Variants in DYNC2H1 observed in about 807,000 individuals in gnomAD.
DYNC2H1 encodes dynein cytoplasmic 2 heavy chain 1, also known as cytoplasmic dynein 2 heavy chain 1.
A neutral mutation model predicts 570.0 loss-of-function variants in DYNC2H1; 410 were observed. The ratio of observed to expected loss-of-function variants is 0.72; its 90% CI spans 0.66 to 0.78. The LOEUF (loss-of-function observed/expected upper bound fraction) is 0.78, where lower values mean the gene tolerates loss of function less well. DYNC2H1 is among the 30% of genes least tolerant of loss of function. DYNC2H1 has a pLI of 0.00. For synonymous variants in DYNC2H1, 1,688 were observed against 1,677.6 expected, an observed-to-expected ratio of 1.01 and a Z score of -0.15; for missense variants, 4,865 against 5,046.4, an observed-to-expected ratio of 0.96 and a Z score of 1.09.
chr11:103,138,204 T>C (rs1010642572), intron 17 of DYNC2H1, among the ~76,000 whole-genome samples: 26 of 152,186 alleles, frequency 1.7e-4, no homozygotes, highest in Non-Finnish European at 2.9e-5. Flanking sequence ...CTTTCCCTAA[T>C]TGAATACCCT....
intron 85 of DYNC2H1, among the ~76,000 whole-genome samples, chr11:103,452,717 A>T (rs572897177): frequency 6.6e-6 from 1 of 152,076 alleles, no homozygotes; most frequent in Non-Finnish European, 1.5e-5. Flanking sequence ...TGGAACTCTT[A>T]TGACATACTA....
intron 84 of DYNC2H1, among the ~76,000 whole-genome samples, chr11:103,424,655 A>G (rs964296525): frequency 1.0e-4 from 15 of 149,926 alleles, no homozygotes; most frequent in African/African-American, 3.2e-4. Flanking sequence ...TTATGCAACT[A>G]CATGGATACA....
rs888767252 is a variant in DYNC2H1 at position 103,363,360 on chromosome 11, T to C, written c.12156+5001T>C. Among the ~76,000 whole-genome samples the C allele has an allele frequency of 6.6e-6, 1 of 152,170 alleles. No homozygotes were observed. The highest frequency in any genetic ancestry group is 1.5e-5 in the Non-Finnish European group (1 of 68,020). On this transcript the variant is annotated intron_variant, in intron 83 of 88. Transcript: ENST00000375735. The surrounding 1 kb of genome is among the most constrained non-coding windows in gnomAD (Gnocchi z 5.6). ...GTTTATAAGTGAGCTGGAGAGGAGA[T>C]CTACTAGTGTGTTATTTCAACTGAG...
chr11:103,158,091 T>C (rs1012542592), intron 26 of DYNC2H1, among the ~76,000 whole-genome samples: 1 of 152,258 alleles, frequency 6.6e-6, no homozygotes, highest in African/African-American at 2.4e-5. Flanking sequence ...TAAATATTTC[T>C]AGAAATTATT....
At chr11:103,136,226 T>C (rs1174586471) in intron 17 of DYNC2H1, among the ~76,000 whole-genome samples, 1 of 151,046 alleles carries the variant, frequency 6.6e-6, no homozygotes, top group Non-Finnish European at 1.5e-5. Flanking sequence ...TTTTTTATTT[T>C]ATTTATTTTA....
rs201586818 is a variant in DYNC2H1 at position 103,185,001 on chromosome 11, G to A, written c.6583G>A (p.Gly2195Arg). Reference protein sequence around the residue: ...HDEFIINLIRGLGGNLNMKSR... With the variant: ...HDEFIINLIRRLGGNLNMKSR... Reference sequence around the variant, plus strand: ...CGAATTCATTATTAATCTCATAAGGGGACTTGGTGGAAATCTGAATATGAA... The same window carrying A: ...CGAATTCATTATTAATCTCATAAGGAGACTTGGTGGAAATCTGAATATGAA... The change falls in exon 41 of 89, where the codon GGA (glycine) becomes AGA (arginine). Residue 2195 changes from glycine to arginine, a missense_variant. By Grantham distance (125) the Gly-to-Arg change is moderately radical. Coordinates refer to ENST00000375735, the MANE Select transcript of DYNC2H1 (RefSeq NM_001377.3). This position sits in a 1 kb window ranked among gnomAD's most constrained non-coding sequence, Gnocchi z 4.5. The A allele has an allele frequency of 2.5e-5, 41 of 1,610,016 alleles. No individual in the cohort carries two copies. Among genetic ancestry groups the A allele is most frequent in the Non-Finnish European group, 8.5e-7 (1 of 1,177,382 alleles).
chr11:103,434,620 C>T (rs1298927478), intron 84 of DYNC2H1, among the ~76,000 whole-genome samples: 4 of 152,100 alleles, frequency 2.6e-5, no homozygotes, highest in African/African-American at 9.7e-5. Flanking sequence ...AAATCATTAT[C>T]GGTTGTCTTG....
At chr11:103,410,699 T>C (rs1943050702) in intron 84 of DYNC2H1, among the ~76,000 whole-genome samples, 2 of 152,174 alleles carry the variant, frequency 1.3e-5, no homozygotes, top group Admixed American at 1.3e-4. Context: ...GTATGTTTTA[T>C]TTCAGCCTAA....
chr11:103,410,161 G>A (rs944099301), intron 84 of DYNC2H1, among the ~76,000 whole-genome samples: 2 of 152,000 alleles, frequency 1.3e-5, no homozygotes, highest in African/African-American at 2.4e-5. Context: ...TCCTCTATAC[G>A]TGTGTAGAGA....
At chr11:103,155,571 G>T in intron 25 of DYNC2H1, 70 bp downstream of exon 25, 1 of 1,435,774 alleles carries the variant, frequency 7.0e-7, no homozygotes, top group Non-Finnish European at 9.2e-7. Context: ...TTCATATTTT[G>T]TTTAAATACA....
intron 80 of DYNC2H1, 46 bp downstream of exon 80, chr11:103,316,666 A>T (rs1937864055): frequency 7.4e-7 from 1 of 1,349,924 alleles, no homozygotes; most frequent in Admixed American, 3.0e-5. Flanking sequence ...AAAATATTTT[A>T]TCTGAGGTCT....
intron 83 of DYNC2H1, among the ~76,000 whole-genome samples, chr11:103,364,748 A>T (rs2135540938): frequency 6.6e-6 from 1 of 152,160 alleles, no homozygotes; most frequent in South Asian, 2.1e-4. Flanking sequence ...GTCTTATATG[A>T]CAGGACTTTA....
In DYNC2H1 at chr11:103,275,673, A is replaced by G. The variant is rs12283547; in HGVS notation, c.10696-4675A>G. Among the ~76,000 whole-genome samples the G allele has an allele frequency of 0.19, 28,575 of 151,814 alleles. 3,587 individuals carry two copies. Among genetic ancestry groups the G allele is most frequent in the African/African-American group, 0.36 (14,999 of 41,362 alleles). ...ACTATTGTACGTTTAAGGTTCTTTC[A>G]TGTTTTTTTCATGGTGTAATATCTC... On this transcript the variant is annotated intron_variant, in intron 70 of 88. Transcript: ENST00000375735. The surrounding 1 kb of genome is among the most constrained non-coding windows in gnomAD (Gnocchi z 4.8).
chr11:103,211,196 A>C (rs1298540361), intron 53 of DYNC2H1, among the ~76,000 whole-genome samples: 2 of 30,190 alleles, frequency 6.6e-5, no homozygotes, highest in Non-Finnish European at 1.3e-4. Context: ...AAGAAGAAAG[A>C]GTCGAGGATG....
Position 103,383,107 on chromosome 11 carries a change from G to A in DYNC2H1, c.12157-16556G>A, listed in dbSNP as rs191782963. On this transcript the variant is annotated intron_variant, in intron 83 of 88. Transcript: ENST00000375735. ...TCTTCAGAAGTACTGATGTGTTTGA[G>A]GGGGGGATTCTTTGGCTGAGGCTGA... Among the ~76,000 whole-genome samples, 311 of 152,280 alleles carry A rather than the reference G, an allele frequency of 2.0e-3. 3 individuals carry two copies. The highest frequency in any genetic ancestry group is 6.6e-3 in the African/African-American group (275 of 41,560).
chr11:103,216,236 A>G (rs1429049298), intron 55 of DYNC2H1, among the ~76,000 whole-genome samples: 1 of 152,090 alleles, frequency 6.6e-6, no homozygotes, highest in African/African-American at 2.4e-5. Flanking sequence ...TTTTCTCAAG[A>G]TTTATGAAAT....
intron 83 of DYNC2H1, among the ~76,000 whole-genome samples, chr11:103,389,756 C>A (rs1280362629): frequency 6.6e-6 from 1 of 151,738 alleles, no homozygotes; most frequent in Non-Finnish European, 1.5e-5. Context: ...CGTTATGTAC[C>A]CAGTAGTCAT....
chr11:103,127,425 G>T (rs1859056794), intron 12 of DYNC2H1, among the ~76,000 whole-genome samples: 1 of 152,130 alleles, frequency 6.6e-6, no homozygotes, highest in Admixed American at 6.5e-5. Flanking sequence ...CTATTGTATT[G>T]CTTCTGGTTT....
rs1474159674 is a variant in DYNC2H1 at position 103,121,401 on chromosome 11, C to T, written c.1390C>T (p.Arg464Ter). ...TCGATTAGACTTTGAGAATCGGTGC[C>T]GAGGAATTCCTGGTGATGCATCTGG... Reference protein sequence around the residue: ...DFRLDFENRCRGIPGDASGPL... With the variant: ...DFRLDFENRC The change falls in exon 10 of 89, where the codon CGA becomes TGA. Residue 464 changes from arginine (R) to a stop codon, truncating the protein, a stop_gained. Transcript: ENST00000375735. LOFTEE classifies it high-confidence loss of function. 8 of 1,611,390 alleles carry T rather than the reference C, an allele frequency of 5.0e-6. No individual in the cohort carries two copies. Among genetic ancestry groups the T allele is most frequent in the East Asian group, 2.2e-5 (1 of 44,776 alleles).
Sources: allele counts gnomAD v4.1 joint callset (sites outside exome capture counted in the v4.1 genomes callset), GRCh38; gene constraint gnomAD v4.1.1; non-coding constraint Gnocchi (gnomAD v3.1); transcripts MANE v1.5; gene names NCBI Gene and HGNC (gene_info 2026-07-23, HGNC 2026-07-21).